The following PDE4B variants were observed in gnomAD, a reference collection of about 807,000 sequenced individuals.
The protein encoded by PDE4B is phosphodiesterase 4B.
In PDE4B, 20 loss-of-function variants were observed where a neutral mutation model predicts 82.2. That is an observed-to-expected ratio of 0.24 (90% CI 0.17 to 0.35). PDE4B has a LOEUF of 0.35. PDE4B is among the 10% of genes least tolerant of loss of function. PDE4B has a pLI of 1.00. For synonymous variants in PDE4B, 320 were observed against 318.9 expected, an observed-to-expected ratio of 1.00 and a Z score of -0.04; for missense variants, 655 against 907.2, an observed-to-expected ratio of 0.72 and a Z score of 3.57.
intron 3 of PDE4B, among the ~76,000 whole-genome samples, chr1:66,177,797 G>T (rs541243748): frequency 6.6e-6 from 1 of 152,146 alleles, no homozygotes; most frequent in Non-Finnish European, 1.5e-5. Flanking sequence ...CCACAGGAAT[G>T]CCCTGAAGCC....
At chr1:66,092,167 G>A (rs968137294) in intron 3 of PDE4B, among the ~76,000 whole-genome samples, 2 of 152,044 alleles carry the variant, frequency 1.3e-5, no homozygotes, top group Non-Finnish European at 2.9e-5. Context: ...CTTAGAAAAG[G>A]AGAAAAATAT....
intron 7 of PDE4B, among the ~76,000 whole-genome samples, chr1:66,318,132 C>T (rs1352356031): frequency 6.6e-6 from 1 of 152,090 alleles, no homozygotes; most frequent in Non-Finnish European, 1.5e-5. Context: ...TTCAGATGCA[C>T]CTCTTCTATA....
chr1:66,265,424 G>A (rs1654960396), intron 6 of PDE4B, among the ~76,000 whole-genome samples: 1 of 152,126 alleles, frequency 6.6e-6, no homozygotes, highest in Non-Finnish European at 1.5e-5. Context: ...TGGGAACATG[G>A]GTTTGCTTGT....
chr1:66,034,844 T>C (rs1404805457), intron 3 of PDE4B, among the ~76,000 whole-genome samples: 1 of 152,198 alleles, frequency 6.6e-6, no homozygotes, highest in Non-Finnish European at 1.5e-5. Context: ...ATCTTACCAT[T>C]CAGTTTCTCC....
intron 3 of PDE4B, among the ~76,000 whole-genome samples, chr1:66,040,925 A>G (rs1248602116): frequency 6.6e-6 from 1 of 151,898 alleles, no homozygotes; most frequent in Non-Finnish European, 1.5e-5. Flanking sequence ...TCATTTGATA[A>G]TTTTGCCTAA....
intron 3 of PDE4B, chr1:65,992,897 C>G (rs758704723): frequency 1.2e-6 from 2 of 1,612,586 alleles, no homozygotes; most frequent in South Asian, 1.1e-5. Context: ...GCTAGCACTC[C>G]TTACAAGACA....
intron 7 of PDE4B, among the ~76,000 whole-genome samples, chr1:66,314,402 TTTTTGTTTTG>T (rs762446258): frequency 3.9e-5 from 6 of 152,078 alleles, no homozygotes; most frequent in Non-Finnish European, 7.4e-5. Context: ...CTGTTTTTTG[TTTTTGTTTTG>T]TTTTGTTTTG....
rs556642655 is a variant in PDE4B at position 65,972,219 on chromosome 1, G to A, written c.281+53384G>A. 1.1e-4 allele frequency among the ~76,000 whole-genome samples: 16 copies of A among 152,312 alleles called. No homozygotes were observed. The South Asian group carries it at 2.5e-3, about 24-fold the overall frequency. On this transcript the variant is annotated intron_variant, in intron 3 of 16. Coordinates refer to ENST00000341517, the MANE Select transcript of PDE4B (RefSeq NM_002600.4). Reference sequence around the variant, plus strand: ...TTTTAATGCATATGCCTTGTGGTCAGATAGCCAGTTGTTTTGGGAATCAGT... The same window carrying A: ...TTTTAATGCATATGCCTTGTGGTCAAATAGCCAGTTGTTTTGGGAATCAGT...
intron 1 of PDE4B, among the ~76,000 whole-genome samples, chr1:65,813,204 A>G (rs75281619): frequency 0.02 from 3,016 of 152,312 alleles, 46 homozygotes; most frequent in Admixed American, 0.03. Flanking sequence ...TTGGTTGTTA[A>G]TACTTTGTCA....
At chr1:66,140,836 T>C (rs763377907) in intron 3 of PDE4B, among the ~76,000 whole-genome samples, 1 of 152,232 alleles carries the variant, frequency 6.6e-6, no homozygotes, top group African/African-American at 2.4e-5. Flanking sequence ...GGAATATGAT[T>C]TCACATACAT....
At chr1:66,196,793 A>C (rs1323826748) in intron 3 of PDE4B, among the ~76,000 whole-genome samples, 4 of 112,436 alleles carry the variant, frequency 3.6e-5, no homozygotes, top group African/African-American at 1.4e-4. Context: ...GGAATATCAC[A>C]CTCTGGGGAC....
At position 66,257,861 on chromosome 1, in the gene PDE4B, C is replaced by G; in HGVS notation, c.582C>G (p.Asn194Lys). The G allele has an allele frequency of 1.2e-6, 2 of 1,609,436 alleles. No homozygotes were observed. The highest frequency in any genetic ancestry group is 8.5e-7 in the Non-Finnish European group (1 of 1,176,002). The change falls in exon 6 of 17, where the codon AAC becomes AAG. Residue 194 changes from asparagine to lysine, a missense_variant and splice_region_variant. Around this residue, in one of 3 missense-constraint regions of PDE4B, gnomAD observed 253 missense variants for 275.6 expected, o/e 0.92. Coordinates refer to ENST00000341517, the MANE Select transcript of PDE4B (RefSeq NM_002600.4). ...TGACAAACCTTCATGGTACATCTAA[C>G]AAGTAAGGATTGACTTTTTTGTGGA... ...TILTNLHGTS[N>K]KRSPAASQPP...
intron 3 of PDE4B, among the ~76,000 whole-genome samples, chr1:66,217,760 A>C (rs1458696148): frequency 6.6e-6 from 1 of 152,160 alleles, no homozygotes; most frequent in Admixed American, 6.6e-5. Context: ...TTTATTATCT[A>C]CTGACATTCC....
chr1:66,061,242 T>C (rs1242040660), intron 3 of PDE4B, among the ~76,000 whole-genome samples: 1 of 149,370 alleles, frequency 6.7e-6, no homozygotes, highest in Non-Finnish European at 1.5e-5. Context: ...GACTTCACAC[T>C]GTCTTCATAC....
intron 3 of PDE4B, among the ~76,000 whole-genome samples, chr1:66,049,453 C>T (rs1654897778): frequency 6.6e-6 from 1 of 151,918 alleles, no homozygotes; most frequent in Non-Finnish European, 1.5e-5. Flanking sequence ...ACAAAAATAC[C>T]TTCTTAGGAT....
chr1:66,125,949 G>A (rs1645813583), intron 3 of PDE4B, among the ~76,000 whole-genome samples: 2 of 152,122 alleles, frequency 1.3e-5, no homozygotes, highest in Admixed American at 1.3e-4. Flanking sequence ...TGAAATTACA[G>A]GCATGCACCA....
chr1:66,154,217 T>C (rs1426389492), intron 3 of PDE4B, among the ~76,000 whole-genome samples: 2 of 152,214 alleles, frequency 1.3e-5, no homozygotes, highest in African/African-American at 4.8e-5. Context: ...ATTGCTTACC[T>C]GAGCTCCTCC....
At chr1:66,190,300 C>T (rs552774977) in intron 3 of PDE4B, among the ~76,000 whole-genome samples, 1 of 152,316 alleles carries the variant, frequency 6.6e-6, no homozygotes, top group Non-Finnish European at 1.5e-5. Flanking sequence ...CTTGAGGAGG[C>T]AGTCTGTCCA....
chr1:66,191,838 G>A (rs914144772), intron 3 of PDE4B, among the ~76,000 whole-genome samples: 1 of 152,094 alleles, frequency 6.6e-6, no homozygotes, highest in Admixed American at 6.6e-5. Flanking sequence ...CAGACCAGGG[G>A]GAATGAGAAC....
Sources: gnomAD v4.1 joint callset for allele counts (sites outside exome capture counted in the v4.1 genomes callset) on GRCh38, gnomAD v4.1.1 for gene constraint, gnomAD v4.1.1 regional missense constraint, MANE v1.5 for transcripts, NCBI Gene and HGNC (gene_info 2026-07-23, HGNC 2026-07-21) for gene names.